The following CDC42BPA variants were observed in gnomAD, a reference collection of about 807,000 sequenced individuals.
CDC42BPA encodes the protein CDC42 binding protein kinase alpha.
CDC42BPA carries 80 observed loss-of-function variants against 223.5 expected under a neutral mutation model. That is an observed-to-expected ratio of 0.36 (90% CI 0.30 to 0.43). The LOEUF (loss-of-function observed/expected upper bound fraction) is 0.43. CDC42BPA is among the 20% of genes least tolerant of loss of function. The pLI is 1.00. For missense variants in CDC42BPA, 1,743 were observed against 2,099.9 expected, an observed-to-expected ratio of 0.83 and a Z score of 3.32; for synonymous variants, 694 against 718.6, an observed-to-expected ratio of 0.97 and a Z score of 0.55.
intron 10 of CDC42BPA, among the ~76,000 whole-genome samples, chr1:227,138,550 A>G (rs1013617110): frequency 7.3e-6 from 1 of 136,244 alleles, no homozygotes; most frequent in Non-Finnish European, 1.6e-5. Flanking sequence ...GAGCGTTATC[A>G]GAAGGAATAA....
chr1:227,245,212 A>C (rs1680705518), intron 2 of CDC42BPA, among the ~76,000 whole-genome samples: 1 of 151,848 alleles, frequency 6.6e-6, no homozygotes, highest in Non-Finnish European at 1.5e-5. Context: ...TGCAGCTCAC[A>C]GGAACCAGAC....
At chr1:227,173,727 T>C (rs1666485352) in intron 5 of CDC42BPA, among the ~76,000 whole-genome samples, 1 of 152,140 alleles carries the variant, frequency 6.6e-6, no homozygotes, top group Non-Finnish European at 1.5e-5. Context: ...TTTTTAACTC[T>C]ACCCTATATA....
intron 15 of CDC42BPA, among the ~76,000 whole-genome samples, chr1:227,097,488 C>A (rs936176678): frequency 1.3e-5 from 2 of 152,104 alleles, no homozygotes; most frequent in African/African-American, 4.8e-5. Context: ...AGGAGGACAC[C>A]CCCAACCAGG....
Position 227,113,032 on chromosome 1 carries a change from TAAAAG to T in CDC42BPA, c.1648-124_1648-120del, listed in dbSNP as rs1248841371. On this transcript the variant is annotated intron_variant, in intron 12 of 36. Coordinates refer to ENST00000366766, the MANE Select transcript of CDC42BPA (RefSeq NM_001394014.1). ...CAAAATTATTCACCTTAGGACAAAT[TAAAAG>T]AAATAAACTACTTCTGAACAGATAT... The T allele has an allele frequency of 2.9e-4, 253 of 883,190 alleles. 3 individuals carry two copies. The South Asian group carries it at 4.1e-3, about 14-fold the overall frequency. The allele number at this position is 883,190 out of a possible 1,614,324, so 54.7% of individuals were successfully genotyped here. A position where few individuals can be genotyped will look rare whatever the true frequency, so the allele number is the denominator to read the frequency against.
At chr1:227,263,853 A>C (rs1190745760) in intron 1 of CDC42BPA, among the ~76,000 whole-genome samples, 1 of 152,208 alleles carries the variant, frequency 6.6e-6, no homozygotes, top group East Asian at 1.9e-4. Flanking sequence ...AAGTGCTGGG[A>C]CTACAGGCAT....
chr1:227,202,610 A>C (rs1572333198), intron 3 of CDC42BPA, among the ~76,000 whole-genome samples: 1 of 152,278 alleles, frequency 6.6e-6, no homozygotes, highest in East Asian at 1.9e-4. Context: ...GTTTAACTAA[A>C]AAAATTATTT....
At chr1:227,019,376 T>C (rs1480665078) in intron 32 of CDC42BPA, among the ~76,000 whole-genome samples, 1 of 152,204 alleles carries the variant, frequency 6.6e-6, no homozygotes, top group Non-Finnish European at 1.5e-5. Flanking sequence ...CTGTAGTTAT[T>C]TCCTTCACTG....
chr1:227,013,177 G>A (rs1665540552), intron 34 of CDC42BPA, among the ~76,000 whole-genome samples: 6 of 151,980 alleles, frequency 3.9e-5, no homozygotes, highest in Admixed American at 3.9e-4. Context: ...AGCAATGAAA[G>A]GTACATTAAA....
chr1:227,318,133 G>A lies in CDC42BPA; in HGVS notation c.-951C>T, dbSNP rs1315104443. The A allele has an allele frequency of 5.4e-6, 1 of 186,682 alleles. No homozygotes were observed. The highest frequency in any genetic ancestry group is 1.1e-5 in the Non-Finnish European group (1 of 91,780). 11.6% of individuals were successfully genotyped at this position (186,682 alleles called of 1,614,324 possible). On this transcript the variant is annotated 5_prime_UTR_variant, in exon 1 of 37. Coordinates refer to ENST00000366766, the MANE Select transcript of CDC42BPA (RefSeq NM_001394014.1). Reference sequence around the variant, plus strand: ...ACACCCGCACCGGGCCGCCGCGCCGGAGGCTCCCGACGCCCCAGGCGGGGG... The same window carrying A: ...ACACCCGCACCGGGCCGCCGCGCCGAAGGCTCCCGACGCCCCAGGCGGGGG...
chr1:227,129,069 A>T, intron 11 of CDC42BPA, 40 bp downstream of exon 11: 1 of 1,292,312 alleles, frequency 7.7e-7, no homozygotes, highest in Non-Finnish European at 1.1e-6. Context: ...TTTTTTAAAC[A>T]TTTCCTAAAT....
intron 1 of CDC42BPA, among the ~76,000 whole-genome samples, chr1:227,308,741 G>C (rs1409772375): frequency 2.0e-5 from 3 of 152,060 alleles, no homozygotes; most frequent in Admixed American, 1.3e-4. Context: ...CAGTATATTG[G>C]TTTAGAACAG....
intron 21 of CDC42BPA, among the ~76,000 whole-genome samples, chr1:227,061,412 A>T (rs1173145099): frequency 1.3e-5 from 2 of 152,350 alleles, no homozygotes; most frequent in African/African-American, 2.4e-5. Context: ...GGTAGGAATT[A>T]TGATCCTCAT....
chr1:227,109,694 C>T (rs1029882350), intron 14 of CDC42BPA, among the ~76,000 whole-genome samples: 13 of 149,870 alleles, frequency 8.7e-5, no homozygotes, highest in Non-Finnish European at 3.0e-5. Context: ...TTTCTATAAG[C>T]TTTTTTCTAT....
chr1:227,266,841 T>G (rs1377608884), intron 1 of CDC42BPA, among the ~76,000 whole-genome samples: 1 of 152,198 alleles, frequency 6.6e-6, no homozygotes, highest in African/African-American at 2.4e-5. Context: ...ACAAAATAAT[T>G]TAAGTTATGT....
chr1:227,217,476 A>G (rs1675072455), intron 2 of CDC42BPA, among the ~76,000 whole-genome samples: 1 of 151,602 alleles, frequency 6.6e-6, no homozygotes, highest in Non-Finnish European at 1.5e-5. Context: ...AAAAAAAGAA[A>G]ATCTTGCCTG....
chr1:227,236,245 C>T (rs74140145), intron 2 of CDC42BPA, among the ~76,000 whole-genome samples: 28,461 of 152,070 alleles, frequency 0.19, 2,980 homozygotes, highest in African/African-American at 0.27. Context: ...GACCTCTAAT[C>T]CCTTGGGGAA....
chr1:227,060,019 AGTTTTTTTTT>A (rs1675462274), intron 21 of CDC42BPA, among the ~76,000 whole-genome samples: 1 of 116,496 alleles, frequency 8.6e-6, no homozygotes, highest in Non-Finnish European at 1.9e-5. Context: ...TATCTCAAAA[AGTTTTTTTTT>A]GTTTTTTTTT....
rs992048740 is a variant in CDC42BPA, at chr1:227,196,216, C to T, written c.451-2282G>A. On this transcript the variant is annotated intron_variant, in intron 4 of 36. Coordinates refer to ENST00000366766, the MANE Select transcript of CDC42BPA (RefSeq NM_001394014.1). Reference sequence around the variant, plus strand: ...GAACAGATATAATTCTAGAAGTCTTCGTAGGAATATCAGGAAACTCTTTTA... The same window carrying T: ...GAACAGATATAATTCTAGAAGTCTTTGTAGGAATATCAGGAAACTCTTTTA... 3.3e-5 allele frequency among the ~76,000 whole-genome samples: 5 copies of T among 151,354 alleles called. No homozygotes were observed. In the East Asian group the frequency reaches 5.8e-4, roughly 17 times the overall value.
At chr1:227,231,142 C>G (rs930585090) in intron 2 of CDC42BPA, among the ~76,000 whole-genome samples, 9 of 118,942 alleles carry the variant, frequency 7.6e-5, no homozygotes, top group East Asian at 3.0e-4. Context: ...TCCCTCCCCC[C>G]ACCCCACGAC....
Sources: gnomAD v4.1 joint callset for allele counts (sites outside exome capture counted in the v4.1 genomes callset) on GRCh38, gnomAD v4.1.1 for gene constraint, MANE v1.5 for transcripts, NCBI Gene and HGNC (gene_info 2026-07-23, HGNC 2026-07-21) for gene names.